Variants in SLIT2 observed in about 807,000 individuals in gnomAD.
SLIT2 encodes slit guidance ligand 2.
A neutral mutation model predicts 185.7 loss-of-function variants in SLIT2; 41 were observed. The ratio of observed to expected loss-of-function variants is 0.22; its 90% CI spans 0.17 to 0.29. The LOEUF (loss-of-function observed/expected upper bound fraction) is 0.29. Among genes scored for constraint, SLIT2 ranks in the 10% least tolerant of loss-of-function variants. SLIT2 has a pLI of 1.00. For missense variants in SLIT2, 1,571 were observed against 1,909.0 expected, an observed-to-expected ratio of 0.82 and a Z score of 3.30; for synonymous variants, 693 against 680.2, an observed-to-expected ratio of 1.02 and a Z score of -0.29.
intron 24 of SLIT2, among the ~76,000 whole-genome samples, chr4:20,550,372 G>GT (rs35574570): frequency 0.033 from 4,967 of 151,104 alleles, 314 homozygotes; most frequent in African/African-American, 0.11. Context: ...GCTTGCAGGG[G>GT]TTTTTTTTAA....
At position 20,257,932 on chromosome 4, in the gene SLIT2, G is replaced by A. The variant is rs1248010080; in HGVS notation, c.316G>A (p.Glu106Lys). 1 of 1,480,328 alleles carries A rather than the reference G, an allele frequency of 6.8e-7. No homozygotes were observed. The highest frequency in any genetic ancestry group is 9.4e-7 in the Non-Finnish European group (1 of 1,064,316). 91.7% of individuals were successfully genotyped at this position (1,480,328 alleles called of 1,614,324 possible). A position where few individuals can be genotyped will look rare whatever the true frequency, so the allele number is the denominator to read the frequency against. Residue 106 changes from glutamate (E) to lysine (K), a missense_variant, in exon 3 of 37, where the codon GAG becomes AAG. Glu to Lys is a moderately conservative substitution (Grantham distance 56). This residue lies in a region of SLIT2 where 1,202 missense variants were observed against 1,416.4 expected (regional missense o/e 0.85). Transcript: ENST00000504154. Reference protein sequence around the residue: ...RGAFQDLKELERLRLNRNHLQ... With the variant: ...RGAFQDLKELKRLRLNRNHLQ... The stretch of plus-strand genomic sequence containing the variant: ...AGCATTCCAGGATCTTAAAGAACTA[G>A]AGAGACTGTAAGTATTTTCAATTCC...
At chr4:20,395,638 G>A (rs1024516327) in intron 4 of SLIT2, among the ~76,000 whole-genome samples, 9 of 151,832 alleles carry the variant, frequency 5.9e-5, no homozygotes, top group African/African-American at 1.9e-4. Flanking sequence ...AAAGCATTGG[G>A]CAAAATGCAA....
At chr4:20,289,951 G>A (rs1715637845) in intron 4 of SLIT2, among the ~76,000 whole-genome samples, 1 of 152,196 alleles carries the variant, frequency 6.6e-6, no homozygotes, top group Non-Finnish European at 1.5e-5. Context: ...GTCTCTGTCT[G>A]TGCTCCAGCT....
intron 4 of SLIT2, among the ~76,000 whole-genome samples, chr4:20,465,282 G>A (rs1218514949): frequency 6.6e-6 from 1 of 152,146 alleles, no homozygotes; most frequent in Non-Finnish European, 1.5e-5. Flanking sequence ...CTGAAACTCA[G>A]TTTCCTTTCC....
chr4:20,466,755 C>T (rs1036804572), intron 4 of SLIT2, among the ~76,000 whole-genome samples: 1 of 151,996 alleles, frequency 6.6e-6, no homozygotes, highest in Admixed American at 6.6e-5. Context: ...CTGATATGCA[C>T]CTGTGGTTAG....
chr4:20,401,277 AAG>A (rs1164865146), intron 4 of SLIT2, among the ~76,000 whole-genome samples: 2 of 151,876 alleles, frequency 1.3e-5, no homozygotes, highest in South Asian at 2.1e-4. Context: ...AGTTCTTGGG[AAG>A]AACTATAATT....
intron 4 of SLIT2, among the ~76,000 whole-genome samples, chr4:20,305,258 C>G (rs1206024221): frequency 6.6e-6 from 1 of 151,982 alleles, no homozygotes; most frequent in African/African-American, 2.4e-5. Flanking sequence ...CACACACACC[C>G]CACACAGACA....
chr4:20,391,336 A>G (rs1242317440), intron 4 of SLIT2, among the ~76,000 whole-genome samples: 2 of 152,068 alleles, frequency 1.3e-5, no homozygotes, highest in African/African-American at 4.8e-5. Context: ...GGCAAAGTGT[A>G]TGAGATGGAG....
intron 30 of SLIT2, among the ~76,000 whole-genome samples, chr4:20,594,313 A>G (rs150136468): frequency 1.3e-4 from 19 of 151,390 alleles, no homozygotes; most frequent in East Asian, 2.0e-4. Context: ...ATGTGTGTGT[A>G]TATATGAGAA....
At chr4:20,314,970 T>C (rs1577415884) in intron 4 of SLIT2, among the ~76,000 whole-genome samples, 3 of 151,612 alleles carry the variant, frequency 2.0e-5, no homozygotes, top group East Asian at 3.9e-4. Flanking sequence ...GGGATATGAA[T>C]TGTAACTTTT....
At chr4:20,510,958 T>C (rs769133968) in intron 10 of SLIT2, 108 bp from the exon 11 acceptor site, 2 of 647,558 alleles carry the variant, frequency 3.1e-6, no homozygotes, top group Non-Finnish European at 5.6e-6. Context: ...GTTTTGGACA[T>C]GTCTTGATAA....
intron 4 of SLIT2, among the ~76,000 whole-genome samples, chr4:20,275,586 GT>G (rs1259211746): frequency 1.3e-5 from 2 of 152,074 alleles, no homozygotes; most frequent in African/African-American, 4.8e-5. Context: ...CCTTACTGTA[GT>G]AACACGTAAA....
intron 33 of SLIT2, among the ~76,000 whole-genome samples, chr4:20,601,347 C>T (rs548698492): frequency 8.9e-4 from 136 of 152,200 alleles, no homozygotes; most frequent in African/African-American, 3.1e-3. Context: ...TGTGAGATTA[C>T]GGTAAGAATT....
At chr4:20,256,817 T>C (rs1711898184) in intron 2 of SLIT2, 74 bp downstream of exon 2, 4 of 699,482 alleles carry the variant, frequency 5.7e-6, no homozygotes, top group Non-Finnish European at 9.9e-6. Flanking sequence ...CCTCAGTTTT[T>C]ATGACTATTC....
chr4:20,539,602 C>T lies in SLIT2; in HGVS notation c.1976+18C>T, dbSNP rs763942370. ...TCTACTCTGTAAGTATGAAAAATAG[C>T]CCTTATGTATTACTTGAGCCATTTA... On this transcript the variant is annotated intron_variant, in intron 19 of 36. Coordinates refer to ENST00000504154, the MANE Select transcript of SLIT2 (RefSeq NM_004787.4). The T allele has an allele frequency of 5.8e-6, 9 of 1,552,834 alleles. No homozygotes were observed. In the South Asian group the frequency reaches 8.2e-5, roughly 14 times the overall value.
intron 12 of SLIT2, among the ~76,000 whole-genome samples, chr4:20,519,995 C>T (rs992679680): frequency 4.9e-4 from 65 of 132,012 alleles, no homozygotes; most frequent in African/African-American, 1.8e-3. Flanking sequence ...GATCGCGCCA[C>T]TGCACTCCAG....
intron 29 of SLIT2, among the ~76,000 whole-genome samples, chr4:20,583,991 G>A (rs996743632): frequency 1.3e-5 from 2 of 152,022 alleles, no homozygotes; most frequent in East Asian, 3.9e-4. Context: ...AGGGGGCTCT[G>A]AACATATGCT....
At chr4:20,256,520 C>T (rs1488648194) in intron 1 of SLIT2, 152 bp from the exon 2 acceptor site, 4 of 491,914 alleles carry the variant, frequency 8.1e-6, no homozygotes, top group African/African-American at 8.0e-5. Flanking sequence ...TAAAAATATC[C>T]TTTTAAAGGT....
At chr4:20,378,679 G>T (rs1047803325) in intron 4 of SLIT2, among the ~76,000 whole-genome samples, 5 of 152,066 alleles carry the variant, frequency 3.3e-5, no homozygotes, top group Admixed American at 2.6e-4. Flanking sequence ...ATGTGATAAC[G>T]ACCACTTTGG....
Sources: gnomAD v4.1 joint callset for allele counts (sites outside exome capture counted in the v4.1 genomes callset) on GRCh38, gnomAD v4.1.1 for gene constraint, gnomAD v4.1.1 regional missense constraint, MANE v1.5 for transcripts, NCBI Gene and HGNC (gene_info 2026-07-23, HGNC 2026-07-21) for gene names.